The following OVCH2 variants were observed in gnomAD, a reference collection of about 807,000 sequenced individuals.
OVCH2 encodes the protein ovochymase 2, also known as ovochymase-2.
Under a neutral mutation model 73.7 loss-of-function variants are expected in OVCH2, and 88 were observed. The observed-to-expected ratio is 1.19, with a 90% CI of 1.01 to 1.43. The LOEUF (loss-of-function observed/expected upper bound fraction) is 1.43, where lower values mean the gene tolerates loss of function less well. Among genes scored for constraint, OVCH2 ranks in the 40% most tolerant of loss-of-function variants. OVCH2 has a pLI of 0.00. For synonymous variants in OVCH2, 265 were observed against 234.5 expected (o/e 1.13, Z -1.19); for missense variants, 706 against 674.5 (o/e 1.05, Z -0.52).
At chr11:7,682,246 A>G in the OVCH2 span, among the ~76,000 whole-genome samples, 1 of 152,280 alleles carries the variant, frequency 6.6e-6, no homozygotes, top group Non-Finnish European at 1.5e-5. Flanking sequence ...ATCGCTGGAC[A>G]GTAGCAAAGC....
chr11:7,700,353 C>T lies in OVCH2; in HGVS notation c.844G>A (p.Gly282Arg), dbSNP rs1360901973. ...NVRKSDQGSPGIFTDISKVLP... is the reference protein window; with the variant it reads ...NVRKSDQGSPRIFTDISKVLP... The stretch of plus-strand genomic sequence containing the variant: ...ACTTTACTAATGTCTGTGAAGATCC[C>T]AGGGGATCCTTGATCACTTTTCCTC... Residue 282 changes from glycine (G) to arginine (R), a missense_variant, in exon 7 of 16, where the codon GGG becomes AGG. Coordinates refer to ENST00000533663, the MANE Select transcript of OVCH2 (RefSeq NM_198185.7). 2.5e-6 allele frequency: 4 copies of T among 1,613,762 alleles called. No homozygotes were observed. Among genetic ancestry groups the T allele is most frequent in the Non-Finnish European group, 3.4e-6 (4 of 1,179,802 alleles).
downstream of OVCH2, among the ~76,000 whole-genome samples, chr11:7,688,751 T>A (rs183396642): frequency 1.3e-5 from 2 of 152,240 alleles, no homozygotes; most frequent in Non-Finnish European, 2.9e-5. Flanking sequence ...CACTGTATTT[T>A]CCACATGGAA....
chr11:7,698,370 G>A (rs1856374459), intron 8 of OVCH2, among the ~76,000 whole-genome samples: 1 of 152,222 alleles, frequency 6.6e-6, no homozygotes, highest in African/African-American at 2.4e-5. Flanking sequence ...CTCGCCCAAA[G>A]TCACAGAGTG....
At chr11:7,682,581 A>AT in the OVCH2 span, among the ~76,000 whole-genome samples, 2 of 152,192 alleles carry the variant, frequency 1.3e-5, no homozygotes, top group African/African-American at 2.4e-5. Context: ...TTTCCTCTGC[A>AT]TTTCCTCCAG....
rs368369185 is a variant in OVCH2, at chr11:7,704,565, C to G, written c.198G>C (p.Gln66His). 8.1e-6 allele frequency: 13 copies of G among 1,596,256 alleles called. No homozygotes were observed. In the African/African-American group the frequency reaches 1.6e-4, roughly 20 times the overall value. ...SQVEKGSYPW[Q>H]VSLKQRQKHI... is the part of the protein sequence containing the mutation. Reference sequence around the variant, plus strand: ...ATGCATAGAAGTCCTTGAGACTCACCTGCCAGGGATAGGAACCCTTCTCCA... The same window carrying G: ...ATGCATAGAAGTCCTTGAGACTCACGTGCCAGGGATAGGAACCCTTCTCCA... The change falls in exon 2 of 16, where the codon CAG (glutamine) becomes CAC (histidine). Residue 66 changes from glutamine (Q) to histidine (H), a missense_variant and splice_region_variant. Physicochemically the swap from Gln to His is conservative, Grantham distance 24 (BLOSUM62 0). Transcript: ENST00000533663.
At chr11:7,704,836 G>A (rs1856504307) in intron 1 of OVCH2, among the ~76,000 whole-genome samples, 162 bp from the exon 2 acceptor site, 2 of 152,136 alleles carry the variant, frequency 1.3e-5, no homozygotes. Context: ...TCTCTTGAGG[G>A]ATGAAAAGTG....
At chr11:7,702,401 T>C in intron 3 of OVCH2, 72 bp from the exon 4 acceptor site, 1 of 1,173,320 alleles carries the variant, frequency 8.5e-7, no homozygotes. Context: ...GTTGACACAC[T>C]AGCTTCTTTA....
downstream of OVCH2, among the ~76,000 whole-genome samples, chr11:7,684,560 C>A (rs1252583762): frequency 6.7e-6 from 1 of 149,286 alleles, no homozygotes; most frequent in Non-Finnish European, 1.5e-5. Context: ...GTTCTTAAAT[C>A]CAGCTTCAGT....
the OVCH2 span, among the ~76,000 whole-genome samples, chr11:7,680,193 T>C: frequency 0.043 from 6,371 of 148,808 alleles, 440 homozygotes; most frequent in African/African-American, 0.15. Context: ...GCATCCGAGG[T>C]GGGTGGCAGT....
At chr11:7,700,566 T>C in intron 6 of OVCH2, 81 bp from the exon 7 acceptor site, 2 of 1,437,136 alleles carry the variant, frequency 1.4e-6, no homozygotes, top group Middle Eastern at 2.3e-4. Context: ...ACAAGGATGC[T>C]GGAGGAGGAT....
intron 8 of OVCH2, among the ~76,000 whole-genome samples, chr11:7,697,286 C>A (rs1316880472): frequency 3.9e-5 from 6 of 152,212 alleles, no homozygotes; most frequent in Admixed American, 3.3e-4. Context: ...AAGCGATCCT[C>A]CCACCTGAGC....
At chr11:7,680,868 G>A in the OVCH2 span, among the ~76,000 whole-genome samples, 1 of 152,164 alleles carries the variant, frequency 6.6e-6, no homozygotes, top group Non-Finnish European at 1.5e-5. Flanking sequence ...ATTTATACTT[G>A]AATTTACTCT....
chr11:7,692,921 A>G (rs140079413), intron 12 of OVCH2, among the ~76,000 whole-genome samples: 17 of 152,334 alleles, frequency 1.1e-4, no homozygotes, highest in African/African-American at 2.9e-4. Flanking sequence ...ATTTTTTGCT[A>G]TCTTAAAAAC....
At chr11:7,686,444 C>T (rs957077684), downstream of OVCH2, among the ~76,000 whole-genome samples, 5 of 152,144 alleles carry the variant, frequency 3.3e-5, no homozygotes, top group African/African-American at 9.7e-5. Context: ...CAGTAATTAT[C>T]GCTTAATGTA....
chr11:7,696,703 A>ACT lies in OVCH2; in HGVS notation c.1016+4_1016+5dup. On this transcript the variant is annotated splice_donor_region_variant and intron_variant, in intron 9 of 15. Coordinates refer to ENST00000533663, the MANE Select transcript of OVCH2 (RefSeq NM_198185.7). ...AAGGAGGAGGAGTACAAAGGGGGTT[A>ACT]CTCACTGCTTGCTCTCATAATATAG... 1 of 1,613,786 alleles carries ACT rather than the reference A, an allele frequency of 6.2e-7. No individual in the cohort carries two copies. Among genetic ancestry groups the ACT allele is most frequent in the East Asian group, 2.2e-5 (1 of 44,862 alleles).
Position 7,701,207 on chromosome 11 carries a change from C to T in OVCH2, c.711+117G>A. Reference sequence around the variant, plus strand: ...TTCTTCAAGACTATTCTTTATTCTACCCCTCCAATATGCTTTCTAATTAAA... The same window carrying T: ...TTCTTCAAGACTATTCTTTATTCTATCCCTCCAATATGCTTTCTAATTAAA... On this transcript the variant is annotated intron_variant, in intron 6 of 15. Transcript: ENST00000533663. 2.3e-6 allele frequency: 3 copies of T among 1,278,862 alleles called. 1 individual carries two copies. In the South Asian group the frequency reaches 4.8e-5, roughly 21 times the overall value. 79.2% of individuals were successfully genotyped at this position (1,278,862 alleles called of 1,614,324 possible). A position where few individuals can be genotyped will look rare whatever the true frequency, so the allele number is the denominator to read the frequency against.
At position 7,702,373 on chromosome 11, in the gene OVCH2, C is replaced by A. The variant is rs142264549; in HGVS notation, c.291-44G>T. 79 of 1,468,154 alleles carry A rather than the reference C, an allele frequency of 5.4e-5. No individual in the cohort carries two copies. The African/African-American group carries it at 9.5e-4, about 18-fold the overall frequency. The allele number at this position is 1,468,154 out of a possible 1,614,324, so 90.9% of individuals were successfully genotyped here. ...AAAATGAATGAATTTCATTGTGCCTCTGAGTACAGTTGCAATGGTTGACAC... is the reference window on the plus strand; with the variant it reads ...AAAATGAATGAATTTCATTGTGCCTATGAGTACAGTTGCAATGGTTGACAC... On this transcript the variant is annotated intron_variant, in intron 3 of 15. Coordinates refer to ENST00000533663, the MANE Select transcript of OVCH2 (RefSeq NM_198185.7).
At chr11:7,690,747 T>G (rs561092417) in intron 14 of OVCH2, among the ~76,000 whole-genome samples, 13 of 152,284 alleles carry the variant, frequency 8.5e-5, no homozygotes, top group Admixed American at 6.5e-4. Flanking sequence ...TATAAACAAA[T>G]GTCCTTTTCA....
chr11:7,704,469 C>A (rs1856496909), intron 2 of OVCH2, 96 bp downstream of exon 2: 1 of 800,226 alleles, frequency 1.2e-6, no homozygotes, highest in African/African-American at 1.8e-5. Context: ...CCCAACTAGG[C>A]TGTAGGCTCC....
Sources: gnomAD v4.1 joint callset for allele counts (sites outside exome capture counted in the v4.1 genomes callset) on GRCh38, gnomAD v4.1.1 for gene constraint, MANE v1.5 for transcripts, NCBI Gene and HGNC (gene_info 2026-07-23, HGNC 2026-07-21) for gene names.